SAE1: variants seen among roughly 807,000 people sequenced by gnomAD.
SAE1 encodes the protein SUMO1 activating enzyme subunit 1, also known as SUMO-activating enzyme subunit 1.
Under a neutral mutation model 40.6 loss-of-function variants are expected in SAE1, and 11 were observed. The ratio of observed to expected loss-of-function variants is 0.27; its 90% CI spans 0.17 to 0.45. SAE1 has a LOEUF of 0.45. Among genes scored for constraint, SAE1 ranks in the 20% least tolerant of loss-of-function variants. SAE1 has a pLI of 1.00. For missense variants in SAE1, 373 were observed against 427.3 expected, an observed-to-expected ratio of 0.87 and a Z score of 1.12; for synonymous variants, 155 against 154.3, an observed-to-expected ratio of 1.00 and a Z score of -0.03.
intron 8 of SAE1, among the ~76,000 whole-genome samples, chr19:47,204,187 C>CTTTTTTTTTTT (rs57736880): frequency 1.7e-4 from 14 of 82,124 alleles, no homozygotes; most frequent in African/African-American, 7.5e-4. Context: ...AAAGCCCTCC[C>CTTTTTTTTTTT]TTTTTTTTTT....
At chr19:47,149,691 C>G (rs1000152058) in intron 2 of SAE1, among the ~76,000 whole-genome samples, 2 of 152,064 alleles carry the variant, frequency 1.3e-5, no homozygotes, top group African/African-American at 4.8e-5. Flanking sequence ...AGGGGGTGCT[C>G]TTTAACCATC....
chr19:47,149,720 A>T (rs1600158533), intron 2 of SAE1, among the ~76,000 whole-genome samples: 1 of 152,292 alleles, frequency 6.6e-6, no homozygotes, highest in South Asian at 2.1e-4. Context: ...GTTTAAAAAA[A>T]GTTTAAAGTC....
intron 6 of SAE1, among the ~76,000 whole-genome samples, chr19:47,189,049 C>T (rs1438963992): frequency 1.3e-5 from 2 of 152,204 alleles, no homozygotes; most frequent in Non-Finnish European, 1.5e-5. Flanking sequence ...CTGCCCTCGC[C>T]TGCCCAGCCC....
chr19:47,145,614 T>G (rs1468997150), intron 2 of SAE1, among the ~76,000 whole-genome samples: 1 of 151,872 alleles, frequency 6.6e-6, no homozygotes, highest in East Asian at 1.9e-4. Context: ...AAAGACTTAC[T>G]CTGTCGCCCA....
intron 6 of SAE1, among the ~76,000 whole-genome samples, chr19:47,184,706 C>T (rs925479802): frequency 6.6e-6 from 1 of 151,940 alleles, no homozygotes; most frequent in Non-Finnish European, 1.5e-5. Flanking sequence ...CCACCACTGC[C>T]GGCCTCGTTC....
At position 47,170,503 on chromosome 19, in the gene SAE1, C is replaced by CTTT. The variant is rs34836827; in HGVS notation, c.733+599_733+601dup. Among the ~76,000 whole-genome samples, 706 of 83,830 alleles carry CTTT rather than the reference C, an allele frequency of 8.4e-3. 25 individuals are homozygous for CTTT. Among genetic ancestry groups the CTTT allele is most frequent in the Middle Eastern group, 0.022 (2 of 92 alleles). The allele number at this position is 83,830 out of a possible 152,430, so 55.0% of individuals were successfully genotyped here. The stretch of plus-strand genomic sequence containing the variant: ...CCAACTTCTCTTCACCGCCCCCCGC[C>CTTT]TTTTTTTTTTTTTTTTTTTTTGAGA... On this transcript the variant is annotated intron_variant, in intron 6 of 8. Transcript: ENST00000270225.
At chr19:47,171,562 C>T (rs2058433469) in intron 6 of SAE1, among the ~76,000 whole-genome samples, 1 of 152,176 alleles carries the variant, frequency 6.6e-6, no homozygotes, top group African/African-American at 2.4e-5. Context: ...AGCGATTCTC[C>T]TGCCTCAGCA....
chr19:47,209,392 G>C lies in SAE1; in HGVS notation c.*141G>C. ...ACAAAACATTTCCTGCAACGAAGGA[G>C]GTGGTGCCGACGTGCTGCTTCCCAT... On this transcript the variant is annotated 3_prime_UTR_variant, in exon 9 of 9. Transcript: ENST00000270225. The C allele has an allele frequency of 6.9e-7, 1 of 1,444,320 alleles. No homozygotes were observed. Among genetic ancestry groups the C allele is most frequent in the Non-Finnish European group, 9.4e-7 (1 of 1,060,258 alleles). The allele number at this position is 1,444,320 out of a possible 1,614,324, so 89.5% of individuals were successfully genotyped here.
At chr19:47,178,423 G>A (rs909950837) in intron 6 of SAE1, among the ~76,000 whole-genome samples, 3 of 152,144 alleles carry the variant, frequency 2.0e-5, no homozygotes, top group African/African-American at 7.2e-5. Context: ...GGAAAGTACT[G>A]TCATAGGAAA....
chr19:47,164,433 C>T (rs896367396), intron 5 of SAE1, among the ~76,000 whole-genome samples: 4 of 151,916 alleles, frequency 2.6e-5, no homozygotes, highest in Non-Finnish European at 5.9e-5. Flanking sequence ...TCCCAAAGTG[C>T]TGGGATTACA....
At chr19:47,132,889 CAA>C (rs60901263) in intron 1 of SAE1, among the ~76,000 whole-genome samples, 22 of 109,414 alleles carry the variant, frequency 2.0e-4, no homozygotes, top group African/African-American at 3.2e-4. Flanking sequence ...GGCCCCGTCT[CAA>C]AAAAAAAAAA....
At chr19:47,167,467 C>T (rs2058401230) in intron 5 of SAE1, among the ~76,000 whole-genome samples, 1 of 149,076 alleles carries the variant, frequency 6.7e-6, no homozygotes, top group Non-Finnish European at 1.5e-5. Flanking sequence ...GTCTCGATCT[C>T]CTGACCTTGT....
chr19:47,159,359 C>G (rs1229861977), intron 5 of SAE1, among the ~76,000 whole-genome samples: 1 of 152,084 alleles, frequency 6.6e-6, no homozygotes, highest in African/African-American at 2.4e-5. Context: ...GTTTCCACTG[C>G]TGGTGGCCCT....
intron 2 of SAE1, 50 bp downstream of exon 2, chr19:47,143,655 C>A: frequency 7.3e-7 from 1 of 1,375,764 alleles, no homozygotes; most frequent in Non-Finnish European, 1.0e-6. Context: ...CCCTTTCCAG[C>A]ATGAAGATCT....
At chr19:47,143,937 A>C (rs771985163) in intron 2 of SAE1, among the ~76,000 whole-genome samples, 7 of 152,174 alleles carry the variant, frequency 4.6e-5, no homozygotes, top group Non-Finnish European at 8.8e-5. Context: ...CTGAGTGACT[A>C]ACTGAAAATG....
intron 5 of SAE1, among the ~76,000 whole-genome samples, chr19:47,166,720 T>C (rs2058395132): frequency 6.6e-6 from 1 of 152,174 alleles, no homozygotes; most frequent in Non-Finnish European, 1.5e-5. Context: ...CCAGACCATA[T>C]TGCAAATGAC....
chr19:47,160,214 ATTTTTT>A (rs748289334), intron 5 of SAE1, among the ~76,000 whole-genome samples: 270 of 74,588 alleles, frequency 3.6e-3, no homozygotes, highest in African/African-American at 0.015. Context: ...AAAATCCTGC[ATTTTTT>A]TTTTTTTTTT....
At chr19:47,205,188 A>T (rs1459430212) in intron 8 of SAE1, among the ~76,000 whole-genome samples, 1 of 152,092 alleles carries the variant, frequency 6.6e-6, no homozygotes, top group East Asian at 1.9e-4. Flanking sequence ...ATGATTGGCC[A>T]TGTCCATGTA....
At chr19:47,139,501 G>A (rs1441032230) in intron 1 of SAE1, among the ~76,000 whole-genome samples, 2 of 151,968 alleles carry the variant, frequency 1.3e-5, no homozygotes, top group African/African-American at 4.8e-5. Context: ...TAGTTTTGTC[G>A]GAGAGAAACG....
Sources: gnomAD v4.1 joint callset for allele counts (sites outside exome capture counted in the v4.1 genomes callset) on GRCh38, gnomAD v4.1.1 for gene constraint, MANE v1.5 for transcripts, NCBI Gene and HGNC (gene_info 2026-07-23, HGNC 2026-07-21) for gene names.